Variants in MACF1 observed in about 807,000 individuals in gnomAD.
The protein encoded by MACF1 is microtubule-actin cross-linking factor 1.
Under a neutral mutation model 854.8 loss-of-function variants are expected in MACF1, and 193 were observed. The observed-to-expected ratio is 0.23, with a 90% CI of 0.20 to 0.25. The LOEUF (loss-of-function observed/expected upper bound fraction) is 0.25, where lower values mean the gene tolerates loss of function less well. MACF1 is among the 10% of genes least tolerant of loss of function. The pLI, the probability that MACF1 is intolerant of heterozygous loss-of-function variation, is 1.00. For synonymous variants in MACF1, 3,185 were observed against 3,226.7 expected (o/e 0.99, Z 0.44); for missense variants, 7,722 against 8,929.1 (o/e 0.86, Z 5.45).
chr1:39,269,157 A>G, intron 6 of MACF1: 2 of 1,289,952 alleles, frequency 1.6e-6, no homozygotes, highest in Non-Finnish European at 2.0e-6. Flanking sequence ...CCCAGCAGAA[A>G]GGAACTGCGA....
chr1:39,400,805 G>A (rs1449605112), intron 58 of MACF1, among the ~76,000 whole-genome samples: 1 of 152,164 alleles, frequency 6.6e-6, no homozygotes, highest in Non-Finnish European at 1.5e-5. Flanking sequence ...ATTGTATCAA[G>A]CCTGTGAAAT....
intron 2 of MACF1, among the ~76,000 whole-genome samples, chr1:39,099,372 G>A (rs992222500): frequency 2.0e-5 from 3 of 152,150 alleles, no homozygotes; most frequent in Non-Finnish European, 4.4e-5. Flanking sequence ...GGTCAGGCTG[G>A]CCTCGAACTC....
intron 70 of MACF1, 88 bp downstream of exon 70, chr1:39,435,849 A>AC: frequency 4.2e-6 from 5 of 1,190,166 alleles, no homozygotes; most frequent in Non-Finnish European, 6.1e-6. Context: ...TGTGCTCAGG[A>AC]ATGTCCAGAG....
intron 2 of MACF1, among the ~76,000 whole-genome samples, chr1:39,241,955 G>C (rs1644929176): frequency 6.6e-6 from 1 of 152,220 alleles, no homozygotes; most frequent in Non-Finnish European, 1.5e-5. Flanking sequence ...TTTGGGCTAA[G>C]ATTAGGATTC....
intron 1 of MACF1, among the ~76,000 whole-genome samples, chr1:39,216,068 C>A (rs602798): frequency 0.035 from 5,268 of 152,006 alleles, 247 homozygotes; most frequent in African/African-American, 0.11. Context: ...CCTTTTTGGC[C>A]GTAGGTTTCC....
intron 24 of MACF1, 42 bp downstream of exon 24, chr1:39,309,738 A>G (rs2148433225): frequency 1.3e-6 from 2 of 1,588,682 alleles, no homozygotes; most frequent in Non-Finnish European, 8.5e-7. Context: ...TTCCATTGGC[A>G]AGATTTTTTC....
Position 39,334,285 on chromosome 1 carries a change from T to G in MACF1, c.7697T>G (p.Ile2566Ser), listed in dbSNP as rs762578553. Residue 2566 changes from isoleucine (I) to serine (S), a missense_variant, in exon 37 of 101, where the codon ATT becomes AGT. Around this residue, in one of 15 missense-constraint regions of MACF1, gnomAD observed 1,531 missense variants for 1,601.6 expected, o/e 0.96. Coordinates refer to ENST00000564288, the MANE Select transcript of MACF1 (RefSeq NM_001394062.1). Reference sequence around the variant, plus strand: ...CCTAAAGCCATAAAATTAGATCTTATTACCTCAGACCTGAAAAGAGAAATC... The same window carrying G: ...CCTAAAGCCATAAAATTAGATCTTAGTACCTCAGACCTGAAAAGAGAAATC... ...SLPKAIKLDL[I>S]TSDLKREIQE... 6.2e-7 allele frequency: 1 copy of G among 1,613,896 alleles called. No individual in the cohort carries two copies. The highest frequency in any genetic ancestry group is 8.5e-7 in the Non-Finnish European group (1 of 1,179,888).
chr1:39,443,516 C>T lies in MACF1; in HGVS notation c.19373C>T (p.Ala6458Val), dbSNP rs781144181. The change falls in exon 79 of 101, where the codon GCA becomes GTA. Residue 6458 changes from alanine (A) to valine (V), a missense_variant. Ala to Val is a moderately conservative substitution (Grantham distance 64). Around this residue, in one of 15 missense-constraint regions of MACF1, gnomAD observed 729 missense variants for 900.5 expected, o/e 0.81. Transcript: ENST00000564288. ...ELTRMESQLS[A>V]SKPTGGLPET... Reference sequence around the variant, plus strand: ...ACTAGAATGGAGAGCCAGCTTTCTGCATCTAAGCCCACAGGAGGACTTCCT... The same window carrying T: ...ACTAGAATGGAGAGCCAGCTTTCTGTATCTAAGCCCACAGGAGGACTTCCT... 7 of 1,613,662 alleles carry T rather than the reference C, an allele frequency of 4.3e-6. No homozygotes were observed. In the East Asian group the frequency reaches 1.1e-4, roughly 26 times the overall value.
chr1:39,471,494 A>T (rs1340631226), intron 97 of MACF1, among the ~76,000 whole-genome samples: 1 of 152,216 alleles, frequency 6.6e-6, no homozygotes, highest in Non-Finnish European at 1.5e-5. Flanking sequence ...CCTTTTACAC[A>T]GCTATTTTAA....
In MACF1 at chr1:39,282,219, C is replaced by T; in HGVS notation, c.540C>T (p.Ile180=). Residue 180 remains isoleucine, a synonymous_variant, in exon 7 of 101, where the codon ATC becomes ATT. Transcript: ENST00000564288. ...TIILHFQISD[I]YISGESGDMS... ...CCATCTTTTGGCAGATCTCTGACAT[C>T]TACATTAGTGGAGAATCAGGGGATA... The T allele has an allele frequency of 6.2e-7, 1 of 1,613,750 alleles. No homozygotes were observed. Among genetic ancestry groups the T allele is most frequent in the Non-Finnish European group, 8.5e-7 (1 of 1,179,812 alleles).
Position 39,428,174 on chromosome 1 carries a change from G to C in MACF1, c.16690G>C (p.Glu5564Gln). Residue 5564 changes from glutamate to glutamine, a missense_variant, in exon 63 of 101, where the codon GAG becomes CAG. This residue lies in a region of MACF1 where 2,807 missense variants were observed against 3,235.8 expected (regional missense o/e 0.87). Coordinates refer to ENST00000564288, the MANE Select transcript of MACF1 (RefSeq NM_001394062.1). Reference protein sequence around the residue: ...QALSNARLFGEDEVEVLNWLA... With the variant: ...QALSNARLFGQDEVEVLNWLA... ...TCTGTCTAATGCTAGGCTGTTTGGG[G>C]AGGATGAGGTGGAGGTGCTCAACTG... The C allele has an allele frequency of 1.2e-6, 2 of 1,614,238 alleles. No individual in the cohort carries two copies. Among genetic ancestry groups the C allele is most frequent in the Non-Finnish European group, 1.7e-6 (2 of 1,180,044 alleles).
chr1:39,284,420 T>C lies in MACF1; in HGVS notation c.1123T>C (p.Leu375=). 1 of 1,589,852 alleles carries C rather than the reference T, an allele frequency of 6.3e-7. No individual in the cohort carries two copies. Among genetic ancestry groups the C allele is most frequent in the South Asian group, 1.1e-5 (1 of 87,788 alleles). The stretch of plus-strand genomic sequence containing the variant: ...AGGAAGAATTGAGGAATTATATAAA[T>C]TACTAGAGGTAAGTGAGCTTATCCT... ...EKGRIEELYK[L]LEVWIEFGRI... Residue 375 remains leucine (L), a synonymous_variant, in exon 11 of 101, where the codon TTA becomes CTA. Transcript: ENST00000564288.
chr1:39,282,595 A>G (rs1179117271), intron 7 of MACF1, among the ~76,000 whole-genome samples: 1 of 152,252 alleles, frequency 6.6e-6, no homozygotes, highest in African/African-American at 2.4e-5. Flanking sequence ...CTTATCTTTC[A>G]GTAGGGAGAA....
rs576824038 is a variant in MACF1, at chr1:39,209,546, G to A, written c.109+4415G>A. 2.0e-3 allele frequency among the ~76,000 whole-genome samples: 302 copies of A among 152,216 alleles called. 2 individuals carry two copies. Among genetic ancestry groups the A allele is most frequent in the African/African-American group, 7.0e-3 (292 of 41,522 alleles). On this transcript the variant is annotated intron_variant, in intron 1 of 100. Coordinates refer to ENST00000564288, the MANE Select transcript of MACF1 (RefSeq NM_001394062.1). Reference sequence around the variant, plus strand: ...TCTTTTAAAGTTCTCTCCGTTTTCAGCATCCCACTAGGAGGAACAGCCATA... The same window carrying A: ...TCTTTTAAAGTTCTCTCCGTTTTCAACATCCCACTAGGAGGAACAGCCATA...
Position 39,084,245 on chromosome 1 carries a change from CAGTGAGCGGTCATGTCGG to C in MACF1, c.39_56del (p.Cys20_Ser25del), listed in dbSNP as rs545520541. The C allele has an allele frequency of 2.9e-4, 461 of 1,613,202 alleles. 1 individual carries two copies. The highest frequency in any genetic ancestry group is 5.5e-4 in the Admixed American group (33 of 59,962). On this transcript the variant is annotated inframe_deletion, in exon 2 of 94. Coordinates refer to the MACF1 transcript ENST00000361689. This position sits in a 1 kb window ranked among gnomAD's most constrained non-coding sequence, Gnocchi z 5.2. The stretch of plus-strand genomic sequence containing the variant: ...TGTCTTCCTCAGATGAAGAGACGCT[CAGTGAGCGGTCATGTCGG>C]AGTGAGCGGTCTTGTCGGAGTGAGC...
chr1:39,104,509 A>G (rs1342915307), intron 2 of MACF1, among the ~76,000 whole-genome samples: 3 of 152,102 alleles, frequency 2.0e-5, no homozygotes, highest in Non-Finnish European at 4.4e-5. Flanking sequence ...GTTCCGTCTC[A>G]GGTTCCCACA....
intron 47 of MACF1, among the ~76,000 whole-genome samples, chr1:39,360,077 A>G (rs551602161): frequency 8.1e-5 from 11 of 135,376 alleles, no homozygotes; most frequent in Non-Finnish European, 1.6e-4. Context: ...ACACATATGT[A>G]TATACACACA....
intron 61 of MACF1, among the ~76,000 whole-genome samples, chr1:39,425,545 T>A (rs1643697646): frequency 6.6e-6 from 1 of 152,228 alleles, no homozygotes; most frequent in South Asian, 2.1e-4. Flanking sequence ...AAGCCCTCTA[T>A]TTGACCCTAA....
intron 69 of MACF1, 136 bp downstream of exon 69, chr1:39,434,768 A>T: frequency 1.5e-6 from 1 of 674,430 alleles, no homozygotes; most frequent in Non-Finnish European, 2.5e-6. Context: ...AATTCCTTTC[A>T]TAATACATAA....
Sources: allele counts gnomAD v4.1 joint callset (sites outside exome capture counted in the v4.1 genomes callset), GRCh38; gene constraint gnomAD v4.1.1; regional missense constraint gnomAD v4.1.1; non-coding constraint Gnocchi (gnomAD v3.1); transcripts MANE v1.5; gene names NCBI Gene and HGNC (gene_info 2026-07-23, HGNC 2026-07-21).